TRABD2B: variants seen among roughly 807,000 people sequenced by gnomAD.
TRABD2B encodes the protein metalloprotease TIKI2.
A neutral mutation model predicts 40.1 loss-of-function variants in TRABD2B; 14 were observed. That is an observed-to-expected ratio of 0.35 (90% CI 0.23 to 0.55). TRABD2B has a LOEUF of 0.55. Ranked by LOEUF, TRABD2B falls within the 20% of genes least tolerant of loss-of-function variation. TRABD2B has a pLI of 0.90. For synonymous variants in TRABD2B, 263 were observed against 277.0 expected (o/e 0.95, Z 0.50); for missense variants, 541 against 648.6 (o/e 0.83, Z 1.80).
At chr1:47,799,636 G>A (rs933732919) in intron 3 of TRABD2B, among the ~76,000 whole-genome samples, 7 of 152,124 alleles carry the variant, frequency 4.6e-5, no homozygotes, top group Admixed American at 3.3e-4. Context: ...GGTCGTGTGG[G>A]GGCAAGTACT....
chr1:47,899,193 G>A (rs1557644796), intron 2 of TRABD2B, among the ~76,000 whole-genome samples: 1 of 152,166 alleles, frequency 6.6e-6, no homozygotes, highest in Non-Finnish European at 1.5e-5. Flanking sequence ...GTTCTTATGT[G>A]CACAGGGCAT....
intron 2 of TRABD2B, among the ~76,000 whole-genome samples, chr1:47,935,909 C>A (rs1281258065): frequency 6.6e-6 from 1 of 152,258 alleles, no homozygotes; most frequent in Non-Finnish European, 1.5e-5. Flanking sequence ...CAGACTCATG[C>A]TCAAATTCCA....
intron 2 of TRABD2B, among the ~76,000 whole-genome samples, chr1:47,926,135 C>T (rs979613756): frequency 1.3e-5 from 2 of 152,136 alleles, no homozygotes; most frequent in African/African-American, 4.8e-5. Context: ...TCTTATAATT[C>T]GTTTTTGATA....
rs1553156380 is a variant in TRABD2B, at chr1:47,834,577, G to GCACACACACACACA, written c.667-32959_667-32958insTGTGTGTGTGTGTG. ...GATGTGCTCCAACACACACACACAC[G>GCACACACACACACA]CGCACACACACACACACACACACAC... On this transcript the variant is annotated intron_variant, in intron 2 of 6. Transcript: ENST00000606738. Among the ~76,000 whole-genome samples the GCACACACACACACA allele has an allele frequency of 4.2e-3, 592 of 142,468 alleles. 4 individuals are homozygous for GCACACACACACACA. The highest frequency in any genetic ancestry group is 0.013 in the African/African-American group (542 of 40,318). 93.5% of individuals were successfully genotyped at this position (142,468 alleles called of 152,430 possible).
chr1:47,830,339 T>C (rs941539419), intron 2 of TRABD2B, among the ~76,000 whole-genome samples: 5 of 152,216 alleles, frequency 3.3e-5, no homozygotes, highest in Admixed American at 6.5e-5. Flanking sequence ...GGGGAGACAG[T>C]AAGGACAGAG....
chr1:47,851,909 T>C (rs1645554858), intron 2 of TRABD2B, among the ~76,000 whole-genome samples: 2 of 152,132 alleles, frequency 1.3e-5, no homozygotes, highest in African/African-American at 4.8e-5. Flanking sequence ...AGAGGTGGGA[T>C]TTGAACCCAG....
chr1:47,938,228 G>A (rs1014694839), intron 2 of TRABD2B, among the ~76,000 whole-genome samples: 1 of 152,308 alleles, frequency 6.6e-6, no homozygotes. Flanking sequence ...AGGTGAGCGG[G>A]GTTCAACGCT....
At chr1:47,808,578 C>G (rs1048001800) in intron 2 of TRABD2B, among the ~76,000 whole-genome samples, 1 of 152,132 alleles carries the variant, frequency 6.6e-6, no homozygotes, top group East Asian at 1.9e-4. Context: ...AATGAGCAAG[C>G]CCCCAATTAC....
Position 47,801,790 on chromosome 1 carries a change from T to A in TRABD2B, c.667-171A>T, listed in dbSNP as rs565816614. Among the ~76,000 whole-genome samples, 6 of 152,250 alleles carry A rather than the reference T, an allele frequency of 3.9e-5. 1 individual carries two copies. In the South Asian group the frequency reaches 1.2e-3, roughly 32 times the overall value. ...TGTGTTTCCAGTTTCTGCTCCTGCC[T>A]CATGTCTCTGAGCACGTTCAGCCTG... On this transcript the variant is annotated intron_variant, in intron 2 of 6. Coordinates refer to ENST00000606738, the MANE Select transcript of TRABD2B (RefSeq NM_001194986.2).
At chr1:47,788,115 A>T (rs139696599) in intron 4 of TRABD2B, among the ~76,000 whole-genome samples, 1,621 of 152,290 alleles carry the variant, frequency 0.011, 24 homozygotes, top group African/African-American at 0.036. Context: ...AAATGGAATA[A>T]TAAATACCAT....
intron 2 of TRABD2B, among the ~76,000 whole-genome samples, chr1:47,911,304 C>A (rs1467324326): frequency 2.0e-5 from 3 of 152,172 alleles, no homozygotes; most frequent in Non-Finnish European, 4.4e-5. Context: ...CCCTTGAGGA[C>A]CCACTCTGCA....
intron 2 of TRABD2B, among the ~76,000 whole-genome samples, chr1:47,940,833 A>G (rs183402830): frequency 9.2e-5 from 14 of 152,250 alleles, no homozygotes; most frequent in Admixed American, 8.5e-4. Flanking sequence ...TCTCGAGAGC[A>G]TGGCAGTCCA....
chr1:47,914,184 CG>C (rs1268217663), intron 2 of TRABD2B, among the ~76,000 whole-genome samples: 1 of 152,240 alleles, frequency 6.6e-6, no homozygotes, highest in African/African-American at 2.4e-5. Context: ...CAGGTGACGT[CG>C]TGAGCCCCAG....
In TRABD2B at chr1:47,775,029, C is replaced by A. The variant is rs550884473; in HGVS notation, c.1349+141G>T. The A allele has an allele frequency of 1.9e-5, 13 of 690,190 alleles. No individual in the cohort carries two copies. In the Admixed American group the frequency reaches 5.2e-4, roughly 28 times the overall value. The allele number at this position is 690,190 out of a possible 1,614,324, so 42.8% of individuals were successfully genotyped here. Reference sequence around the variant, plus strand: ...ATAAAACTGAAAAATCAGATGGGAACGTGCTGTAGAAAGCCACCTGCCACA... The same window carrying A: ...ATAAAACTGAAAAATCAGATGGGAAAGTGCTGTAGAAAGCCACCTGCCACA... On this transcript the variant is annotated intron_variant, in intron 6 of 6. Transcript: ENST00000606738.
At chr1:47,914,340 A>G (rs895937266) in intron 2 of TRABD2B, among the ~76,000 whole-genome samples, 1 of 152,228 alleles carries the variant, frequency 6.6e-6, no homozygotes, top group Non-Finnish European at 1.5e-5. Flanking sequence ...CACAAGCACA[A>G]GTGTTTTTCT....
intron 2 of TRABD2B, among the ~76,000 whole-genome samples, chr1:47,910,218 G>C (rs1467363161): frequency 2.6e-5 from 4 of 152,052 alleles, no homozygotes; most frequent in Non-Finnish European, 4.4e-5. Context: ...TATCAGGAAG[G>C]TATTCTTACT....
chr1:47,802,090 C>A lies in TRABD2B; in HGVS notation c.667-471G>T, dbSNP rs148441398. Among the ~76,000 whole-genome samples the A allele has an allele frequency of 2.1e-3, 315 of 152,348 alleles. 2 individuals carry two copies. Among genetic ancestry groups the A allele is most frequent in the Non-Finnish European group, 3.4e-3 (232 of 68,028 alleles). On this transcript the variant is annotated intron_variant, in intron 2 of 6. Coordinates refer to ENST00000606738, the MANE Select transcript of TRABD2B (RefSeq NM_001194986.2). The stretch of plus-strand genomic sequence containing the variant: ...AAAGGCCGCCTACCCTGGAAGCCTT[C>A]CTCACCCAGGGAAAGGCCTGAGGAG...
rs72898185 is a variant in TRABD2B at position 47,951,162 on chromosome 1, G to A, written c.666+42872C>T. On this transcript the variant is annotated intron_variant, in intron 2 of 6. Transcript: ENST00000606738. ...TTTCCTCCCCAGCGCCAAGCCAAGC[G>A]GGCAGCAGCAGGCCCACTGCACCAG... is the stretch of plus-strand genomic sequence containing the variant. 7.9e-3 allele frequency among the ~76,000 whole-genome samples: 1,202 copies of A among 152,250 alleles called. 11 individuals are homozygous for A. The highest frequency in any genetic ancestry group is 0.027 in the African/African-American group (1,140 of 41,538).
intron 2 of TRABD2B, among the ~76,000 whole-genome samples, chr1:47,906,509 C>T (rs1366030921): frequency 6.6e-6 from 1 of 152,206 alleles, no homozygotes; most frequent in Non-Finnish European, 1.5e-5. Context: ...TTTGAGGTTG[C>T]CTTTCTTCCC....
Sources: gnomAD v4.1 joint callset for allele counts (sites outside exome capture counted in the v4.1 genomes callset) on GRCh38, gnomAD v4.1.1 for gene constraint, MANE v1.5 for transcripts, NCBI Gene and HGNC (gene_info 2026-07-23, HGNC 2026-07-21) for gene names.